The following CNTN5 variants were observed in gnomAD, a reference collection of about 807,000 sequenced individuals.
The protein encoded by CNTN5 is contactin-5.
Under a neutral mutation model 129.1 loss-of-function variants are expected in CNTN5, and 77 were observed. The observed-to-expected ratio is 0.60, with a 90% CI of 0.50 to 0.72. The LOEUF (loss-of-function observed/expected upper bound fraction) is 0.72. CNTN5 is among the 30% of genes least tolerant of loss of function. The probability of loss-of-function intolerance (pLI) is 0.00; values close to 1 mark genes in which losing one functional copy is unlikely to be tolerated. For synonymous variants in CNTN5, 509 were observed against 465.6 expected (o/e 1.09, Z -1.20); for missense variants, 1,478 against 1,328.8 (o/e 1.11, Z -1.75).
At chr11:99,779,309 G>T (rs1945232992) in intron 3 of CNTN5, among the ~76,000 whole-genome samples, 1 of 151,902 alleles carries the variant, frequency 6.6e-6, no homozygotes, top group Non-Finnish European at 1.5e-5. Flanking sequence ...TCTGTAATCA[G>T]GCTGAATTCA....
chr11:99,148,607 T>C (rs1859900025), intron 1 of CNTN5, among the ~76,000 whole-genome samples: 1 of 152,188 alleles, frequency 6.6e-6, no homozygotes, highest in South Asian at 2.1e-4. Context: ...TCAGCTGCTA[T>C]GATTGACTGA....
At chr11:100,028,480 T>C (rs1256444997) in intron 9 of CNTN5, among the ~76,000 whole-genome samples, 1 of 152,194 alleles carries the variant, frequency 6.6e-6, no homozygotes, top group Non-Finnish European at 1.5e-5. Flanking sequence ...ATTCATATGT[T>C]AATTTATTAT....
chr11:99,919,258 TG>T (rs35340265), intron 7 of CNTN5, among the ~76,000 whole-genome samples: 151,367 of 152,270 alleles, frequency 0.99, 75,246 homozygotes, highest in Middle Eastern at 1. Flanking sequence ...TCAACTTGTG[TG>T]GCGCTGTAGT....
chr11:99,859,237 G>A (rs1565613107), intron 6 of CNTN5, among the ~76,000 whole-genome samples: 1 of 152,116 alleles, frequency 6.6e-6, no homozygotes. Context: ...AACTGAAAAG[G>A]ATCATATATC....
intron 3 of CNTN5, among the ~76,000 whole-genome samples, chr11:99,572,404 C>T (rs1949204471): frequency 6.6e-6 from 1 of 152,212 alleles, no homozygotes; most frequent in African/African-American, 2.4e-5. Context: ...TTTGGACAAG[C>T]TTGCTCTGAA....
At chr11:99,932,764 T>C (rs1228107242) in intron 7 of CNTN5, among the ~76,000 whole-genome samples, 3 of 152,224 alleles carry the variant, frequency 2.0e-5, no homozygotes, top group Non-Finnish European at 4.4e-5. Flanking sequence ...ATGATGATGA[T>C]GATGCCCTCT....
intron 10 of CNTN5, 106 bp from the exon 11 acceptor site, chr11:100,070,318 T>C: frequency 1.7e-6 from 2 of 1,183,902 alleles, no homozygotes; most frequent in East Asian, 2.6e-5. Context: ...TATGGTTGAA[T>C]GAATTGCTTT....
chr11:100,158,596 C>T (rs1947335701), intron 13 of CNTN5, among the ~76,000 whole-genome samples: 1 of 151,774 alleles, frequency 6.6e-6, no homozygotes, highest in African/African-American at 2.4e-5. Flanking sequence ...AAGTGTTCAA[C>T]TTTATTAGTA....
intron 9 of CNTN5, among the ~76,000 whole-genome samples, chr11:100,017,742 A>G (rs191979741): frequency 1.1e-3 from 166 of 152,172 alleles, no homozygotes; most frequent in South Asian, 3.1e-3. Context: ...TGTAGCGTCA[A>G]CAGTGTTTGT....
rs78422226 is a variant in CNTN5 at position 100,023,262 on chromosome 11, G to A, written c.980+21126G>A. On this transcript the variant is annotated intron_variant, in intron 9 of 24. Coordinates refer to ENST00000524871, the MANE Select transcript of CNTN5 (RefSeq NM_014361.4). ...TCCTCAAATTTACTAATTTTCTTTC[G>A]CAATATTTGATCTTCTGTTAATCAC... is the stretch of plus-strand genomic sequence containing the variant. Among the ~76,000 whole-genome samples the A allele has an allele frequency of 2.2e-3, 333 of 151,846 alleles. 3 individuals are homozygous for A. Among genetic ancestry groups the A allele is most frequent in the South Asian group, 8.5e-3 (41 of 4,810 alleles).
intron 2 of CNTN5, among the ~76,000 whole-genome samples, chr11:99,517,799 C>A (rs1007275706): frequency 6.6e-6 from 1 of 152,096 alleles, no homozygotes; most frequent in African/African-American, 2.4e-5. Flanking sequence ...GCCCACCTAA[C>A]TTTAGTTTCA....
chr11:99,819,412 TC>T, intron 3 of CNTN5, 131 bp from the exon 4 acceptor site: 1 of 692,132 alleles, frequency 1.4e-6, no homozygotes, highest in Non-Finnish European at 2.4e-6. Context: ...TTTCACACTC[TC>T]ACTGTAATCT....
At chr11:99,450,524 T>C (rs1475269249) in intron 2 of CNTN5, among the ~76,000 whole-genome samples, 1 of 152,110 alleles carries the variant, frequency 6.6e-6, no homozygotes, top group African/African-American at 2.4e-5. Flanking sequence ...CTCATCCTAG[T>C]AGATTCTATT....
chr11:99,654,488 A>G (rs1952275888), intron 3 of CNTN5, among the ~76,000 whole-genome samples: 1 of 152,050 alleles, frequency 6.6e-6, no homozygotes, highest in Admixed American at 6.6e-5. Context: ...AGGGGGTAGT[A>G]TGGGACCAAT....
intron 2 of CNTN5, among the ~76,000 whole-genome samples, chr11:99,462,827 G>A (rs929083572): frequency 2.0e-5 from 3 of 152,240 alleles, no homozygotes; most frequent in East Asian, 3.9e-4. Flanking sequence ...GCTCATGCCT[G>A]TAATCCCTGT....
chr11:99,408,452 A>AAGAAAGAAAGAAAGAGAG (rs1565557915), intron 2 of CNTN5, among the ~76,000 whole-genome samples: 1 of 91,018 alleles, frequency 1.1e-5, no homozygotes, highest in East Asian at 2.9e-4. Flanking sequence ...AAGAAAGAGA[A>AAGAAAGAAAGAAAGAGAG]AGAAAGAAAG....
intron 8 of CNTN5, among the ~76,000 whole-genome samples, chr11:99,990,455 T>TACACACACACAC (rs57175307): frequency 2.1e-3 from 298 of 145,170 alleles, no homozygotes; most frequent in African/African-American, 6.9e-3. Context: ...TATATATATA[T>TACACACACACAC]ACACACACAC....
Position 99,388,205 on chromosome 11 carries a change from C to A in CNTN5, c.-71+62721C>A, listed in dbSNP as rs1342165893. ...CCGAGGCGGGCAGATCACCTGAGGT[C>A]AGGAGTTTGACACCAGCCTGGCCAA... On this transcript the variant is annotated intron_variant, in intron 2 of 24. Coordinates refer to ENST00000524871, the MANE Select transcript of CNTN5 (RefSeq NM_014361.4). Among the ~76,000 whole-genome samples, 3 of 152,008 alleles carry A rather than the reference C, an allele frequency of 2.0e-5. No homozygotes were observed. In the East Asian group the frequency reaches 5.8e-4, roughly 30 times the overall value.
intron 2 of CNTN5, among the ~76,000 whole-genome samples, chr11:99,505,541 A>T (rs1052931019): frequency 6.6e-6 from 1 of 152,196 alleles, no homozygotes; most frequent in Admixed American, 6.5e-5. Flanking sequence ...GGAGGCCCAA[A>T]TAGCAATGTT....
Sources: allele counts gnomAD v4.1 joint callset (sites outside exome capture counted in the v4.1 genomes callset), GRCh38; gene constraint gnomAD v4.1.1; transcripts MANE v1.5; gene names NCBI Gene and HGNC (gene_info 2026-07-23, HGNC 2026-07-21).